The following RNF38 variants were observed in gnomAD, a reference collection of about 807,000 sequenced individuals.
RNF38 encodes E3 ubiquitin-protein ligase RNF38.
Under a neutral mutation model 67.2 loss-of-function variants are expected in RNF38, and 15 were observed. The ratio of observed to expected loss-of-function variants is 0.22; its 90% CI spans 0.15 to 0.34. The LOEUF (loss-of-function observed/expected upper bound fraction) is 0.34, where lower values mean the gene tolerates loss of function less well. Ranked by LOEUF, RNF38 falls within the 10% of genes least tolerant of loss-of-function variation. The probability of loss-of-function intolerance (pLI) is 1.00; values close to 1 mark genes in which losing one functional copy is unlikely to be tolerated. For missense variants in RNF38, 524 were observed against 639.9 expected (o/e 0.82, Z 1.95); for synonymous variants, 220 against 218.8 (o/e 1.01, Z -0.05).
intron 1 of RNF38, among the ~76,000 whole-genome samples, chr9:36,397,998 A>G (rs922765437): frequency 2.0e-5 from 3 of 152,222 alleles, no homozygotes; most frequent in Non-Finnish European, 4.4e-5. Context: ...GCACACACAT[A>G]TAATTACTTA....
chr9:36,408,525 C>G (rs557373186), intron 2 of RNF38, among the ~76,000 whole-genome samples: 2 of 152,134 alleles, frequency 1.3e-5, no homozygotes, highest in Non-Finnish European at 2.9e-5. Flanking sequence ...GCTTTAAGTT[C>G]TCTTTGTTCT....
chr9:36,393,312 A>G (rs1487765227), intron 1 of RNF38, among the ~76,000 whole-genome samples: 1 of 152,166 alleles, frequency 6.6e-6, no homozygotes, highest in African/African-American at 2.4e-5. Context: ...TCTCCTACTC[A>G]CAACAGTTTC....
chr9:36,367,934 C>T (rs1835100247), intron 4 of RNF38, among the ~76,000 whole-genome samples: 2 of 152,222 alleles, frequency 1.3e-5, no homozygotes, highest in Admixed American at 6.5e-5. Context: ...TCACTGCAAC[C>T]TCCACCTCAC....
chr9:36,482,733 C>T (rs1564080524), intron 1 of RNF38, among the ~76,000 whole-genome samples: 3 of 152,176 alleles, frequency 2.0e-5, no homozygotes, highest in Admixed American at 2.0e-4. Flanking sequence ...AAGCTGTGCT[C>T]TTTGGTTCAG....
chr9:36,374,386 C>T (rs1319132968), intron 3 of RNF38, among the ~76,000 whole-genome samples: 3 of 152,216 alleles, frequency 2.0e-5, no homozygotes, highest in Non-Finnish European at 4.4e-5. Flanking sequence ...AATCAAGGTA[C>T]CAACATAGTC....
chr9:36,452,093 T>C (rs1275264657), intron 1 of RNF38, among the ~76,000 whole-genome samples: 2 of 151,980 alleles, frequency 1.3e-5, no homozygotes, highest in Non-Finnish European at 2.9e-5. Context: ...CACGATGCCG[T>C]GTGCCTACAG....
chr9:36,370,487 C>T (rs1444088894), intron 3 of RNF38, among the ~76,000 whole-genome samples: 1 of 151,810 alleles, frequency 6.6e-6, no homozygotes, highest in African/African-American at 2.4e-5. Context: ...GGTAAACACG[C>T]GATGAATATG....
At chr9:36,484,376 G>A (rs973109092) in intron 1 of RNF38, among the ~76,000 whole-genome samples, 2 of 152,156 alleles carry the variant, frequency 1.3e-5, no homozygotes, top group Admixed American at 6.5e-5. Context: ...AACAGGCTGC[G>A]CTAGGCTGGA....
At chr9:36,421,318 G>A (rs193231932) in intron 2 of RNF38, among the ~76,000 whole-genome samples, 87 of 152,282 alleles carry the variant, frequency 5.7e-4, no homozygotes, top group Admixed American at 1.4e-3. Flanking sequence ...GGTTACCCCT[G>A]AACAAGTAAT....
intron 1 of RNF38, among the ~76,000 whole-genome samples, chr9:36,473,416 C>T (rs1327954373): frequency 6.6e-6 from 1 of 151,744 alleles, no homozygotes; most frequent in Admixed American, 6.6e-5. Context: ...GGTAAAATCT[C>T]GTTTCTACTA....
Position 36,339,814 on chromosome 9 carries a change from C to T in RNF38, c.1486G>A (p.Ala496Thr). Residue 496 changes from alanine to threonine, a missense_variant and splice_region_variant, in exon 12 of 12, where the codon GCA becomes ACA. Coordinates refer to ENST00000259605, the MANE Select transcript of RNF38 (RefSeq NM_022781.5). ...HAKCVDKWLK[A>T]NRTCPICRAD... Reference sequence around the variant, plus strand: ...CGGCAAATTGGGCAAGTACGATTTGCCTACAAAACAAAAAGGAAAACTTGT... The same window carrying T: ...CGGCAAATTGGGCAAGTACGATTTGTCTACAAAACAAAAAGGAAAACTTGT... 1 of 1,611,036 alleles carries T rather than the reference C, an allele frequency of 6.2e-7. No homozygotes were observed. The highest frequency in any genetic ancestry group is 8.5e-7 in the Non-Finnish European group (1 of 1,178,172).
chr9:36,411,832 G>T (rs770092835), intron 2 of RNF38, among the ~76,000 whole-genome samples: 1 of 151,956 alleles, frequency 6.6e-6, no homozygotes, highest in Non-Finnish European at 1.5e-5. Flanking sequence ...GCCCTCCAAG[G>T]TGCTGGGAAT....
intron 10 of RNF38, among the ~76,000 whole-genome samples, chr9:36,343,301 C>T (rs1043005044): frequency 2.6e-5 from 4 of 152,116 alleles, no homozygotes; most frequent in African/African-American, 9.7e-5. Flanking sequence ...TTTTTTTACA[C>T]TTTTTATTAT....
At chr9:36,439,614 G>A (rs1839147543) in intron 1 of RNF38, among the ~76,000 whole-genome samples, 1 of 151,910 alleles carries the variant, frequency 6.6e-6, no homozygotes, top group Non-Finnish European at 1.5e-5. Context: ...AGACTAGCCT[G>A]ACCAACATGG....
chr9:36,344,264 C>G (rs931766520), intron 10 of RNF38, among the ~76,000 whole-genome samples: 2 of 152,194 alleles, frequency 1.3e-5, no homozygotes, highest in Admixed American at 6.5e-5. Flanking sequence ...ATCCACTCGC[C>G]TCAGCCTCCC....
intron 4 of RNF38, among the ~76,000 whole-genome samples, chr9:36,364,092 A>C (rs1214462868): frequency 6.8e-6 from 1 of 147,168 alleles, no homozygotes; most frequent in East Asian, 2.0e-4. Flanking sequence ...AGCCTCCCAA[A>C]GTGCTAGGAT....
chr9:36,401,792 C>T (rs1265686979), upstream of RNF38, among the ~76,000 whole-genome samples: 1 of 152,200 alleles, frequency 6.6e-6, no homozygotes, highest in East Asian at 1.9e-4. Flanking sequence ...TTAGATGTTT[C>T]CCGCAAGGAT....
chr9:36,361,318 AT>A (rs1189476195), intron 4 of RNF38, among the ~76,000 whole-genome samples: 1 of 150,632 alleles, frequency 6.6e-6, no homozygotes, highest in Non-Finnish European at 1.5e-5. Context: ...TGCCCAGCTA[AT>A]TTTTTCTGTA....
Position 36,474,599 on chromosome 9 carries a change from G to A in RNF38, n.241+12709C>T, listed in dbSNP as rs1305297303. On this transcript the variant is annotated intron_variant and non_coding_transcript_variant, in intron 1 of 3. Transcript: ENST00000488058. ...TCCTAATAGCTGTATCATCTCCAGC[G>A]AGTTGTTTAACCTGTGTGCTCCAGT... Among the ~76,000 whole-genome samples, 2 of 148,024 alleles carry A rather than the reference G, an allele frequency of 1.4e-5. 1 individual carries two copies. Among genetic ancestry groups the A allele is most frequent in the Non-Finnish European group, 3.0e-5 (2 of 67,232 alleles).
Sources: gnomAD v4.1 joint callset for allele counts (sites outside exome capture counted in the v4.1 genomes callset) on GRCh38, gnomAD v4.1.1 for gene constraint, MANE v1.5 for transcripts, NCBI Gene and HGNC (gene_info 2026-07-23, HGNC 2026-07-21) for gene names.